ROR1: variants seen among roughly 807,000 people sequenced by gnomAD.
The protein encoded by ROR1 is inactive tyrosine-protein kinase transmembrane receptor ROR1.
Under a neutral mutation model 78.8 loss-of-function variants are expected in ROR1, and 19 were observed. That is an observed-to-expected ratio of 0.24 (90% CI 0.17 to 0.35). The LOEUF is 0.35. ROR1 is among the 10% of genes least tolerant of loss of function. ROR1 has a pLI of 1.00. For synonymous variants in ROR1, 386 were observed against 433.6 expected, an observed-to-expected ratio of 0.89 and a Z score of 1.36; for missense variants, 917 against 1,177.8, an observed-to-expected ratio of 0.78 and a Z score of 3.24.
intron 1 of ROR1, among the ~76,000 whole-genome samples, chr1:63,896,100 G>A (rs1025671523): frequency 5.3e-5 from 8 of 151,982 alleles, no homozygotes; most frequent in African/African-American, 1.9e-4. Flanking sequence ...TTCACAATGT[G>A]CTTCCTCCTT....
chr1:64,115,052 C>T (rs879932026), intron 4 of ROR1, among the ~76,000 whole-genome samples: 1 of 151,816 alleles, frequency 6.6e-6, no homozygotes, highest in Non-Finnish European at 1.5e-5. Context: ...GCAGCGTCTA[C>T]CTCTTGGACT....
chr1:63,958,769 C>T (rs770556362), intron 1 of ROR1, among the ~76,000 whole-genome samples: 25 of 152,172 alleles, frequency 1.6e-4, no homozygotes, highest in African/African-American at 6.0e-4. Flanking sequence ...TCCATCACAT[C>T]AACATTCCAG....
rs756104727 is a variant in ROR1 at position 64,177,926 on chromosome 1, G to A, written c.1885G>A (p.Val629Ile). Residue 629 changes from valine to isoleucine, a missense_variant, in exon 9 of 9, where the codon GTA (valine) becomes ATA (isoleucine). By Grantham distance (29) the Val-to-Ile change is conservative. Around this residue, in one of 3 missense-constraint regions of ROR1, gnomAD observed 835 missense variants for 1,069.8 expected, o/e 0.78. Transcript: ENST00000371079. ...RNILIGEQLHVKISDLGLSRE... is the reference protein window; with the variant it reads ...RNILIGEQLHIKISDLGLSRE... ...TATTTTAATCGGAGAGCAACTTCAT[G>A]TAAAGATTTCAGACTTGGGGCTTTC... 8 of 1,614,202 alleles carry A rather than the reference G, an allele frequency of 5.0e-6. No individual in the cohort carries two copies. The highest frequency in any genetic ancestry group is 6.8e-6 in the Non-Finnish European group (8 of 1,180,032).
chr1:63,950,852 T>TG (rs1645929610), intron 1 of ROR1, among the ~76,000 whole-genome samples: 1 of 152,098 alleles, frequency 6.6e-6, no homozygotes, highest in Admixed American at 6.5e-5. Context: ...GATACCACAG[T>TG]GAAGGGAGCA....
intron 4 of ROR1, among the ~76,000 whole-genome samples, chr1:64,086,414 C>G (rs1012168700): frequency 6.6e-6 from 1 of 152,188 alleles, no homozygotes; most frequent in Non-Finnish European, 1.5e-5. Flanking sequence ...GCACTAAGAG[C>G]CGGGTGCTGG....
intron 7 of ROR1, 188 bp downstream of exon 7, chr1:64,142,838 C>T: frequency 7.1e-7 from 1 of 1,417,352 alleles, no homozygotes; most frequent in African/African-American, 1.4e-5. Context: ...AAAACACGTT[C>T]TCAAGAAGTC....
intron 2 of ROR1, among the ~76,000 whole-genome samples, chr1:64,029,970 G>C (rs187159795): frequency 6.6e-6 from 1 of 152,178 alleles, no homozygotes; most frequent in East Asian, 1.9e-4. Context: ...CATTTCCCAT[G>C]AAGCCTTCTC....
chr1:63,808,736 C>T (rs1207253635), intron 1 of ROR1, among the ~76,000 whole-genome samples: 1 of 151,872 alleles, frequency 6.6e-6, no homozygotes, highest in East Asian at 1.9e-4. Flanking sequence ...TTTCCAGTCA[C>T]TGTAGATGAA....
At chr1:64,102,092 A>G (rs1242381281) in intron 4 of ROR1, among the ~76,000 whole-genome samples, 1 of 152,124 alleles carries the variant, frequency 6.6e-6, no homozygotes, top group Non-Finnish European at 1.5e-5. Flanking sequence ...AGAGGTGCAA[A>G]TAGGGCTGGG....
chr1:64,129,303 C>T (rs1356960478), intron 4 of ROR1, among the ~76,000 whole-genome samples: 2 of 152,158 alleles, frequency 1.3e-5, no homozygotes, highest in African/African-American at 2.4e-5. Context: ...CTTTTTCAAT[C>T]CATGCCCAAA....
intron 1 of ROR1, among the ~76,000 whole-genome samples, chr1:63,949,691 C>T (rs1048183238): frequency 6.6e-6 from 1 of 152,044 alleles, no homozygotes; most frequent in Non-Finnish European, 1.5e-5. Context: ...TTTACTCCTT[C>T]AGTCTCCTGC....
chr1:63,992,725 T>G (rs1275960184), intron 1 of ROR1, among the ~76,000 whole-genome samples: 1 of 152,166 alleles, frequency 6.6e-6, no homozygotes, highest in African/African-American at 2.4e-5. Context: ...ACCACCAAAA[T>G]GAAGATAATA....
chr1:63,977,071 G>A (rs1468460769), intron 1 of ROR1, among the ~76,000 whole-genome samples: 3 of 152,080 alleles, frequency 2.0e-5, no homozygotes, highest in African/African-American at 4.8e-5. Context: ...GAGTGAAGTG[G>A]GGGGAAAGCC....
At chr1:64,008,921 C>G (rs1259792965) in intron 1 of ROR1, among the ~76,000 whole-genome samples, 1 of 152,168 alleles carries the variant, frequency 6.6e-6, no homozygotes, top group Admixed American at 6.6e-5. Flanking sequence ...GTGTGAGCCA[C>G]TGTGCCCAGC....
At chr1:64,154,821 A>T (rs915408583) in intron 7 of ROR1, among the ~76,000 whole-genome samples, 5 of 152,228 alleles carry the variant, frequency 3.3e-5, no homozygotes, top group Non-Finnish European at 7.3e-5. Context: ...AGTATTAAAA[A>T]TCTTCAACAT....
At chr1:63,897,234 A>G (rs1020561999) in intron 1 of ROR1, among the ~76,000 whole-genome samples, 1 of 152,242 alleles carries the variant, frequency 6.6e-6, no homozygotes, top group Non-Finnish European at 1.5e-5. Context: ...ATTTTTAAAA[A>G]TGTAACCTTC....
At chr1:63,910,819 A>G (rs527996934) in intron 1 of ROR1, among the ~76,000 whole-genome samples, 2 of 152,350 alleles carry the variant, frequency 1.3e-5, no homozygotes, top group South Asian at 4.1e-4. Context: ...CCAAAGGTTC[A>G]GAACAACAAG....
At chr1:63,994,846 A>G (rs1045156817) in intron 1 of ROR1, among the ~76,000 whole-genome samples, 2 of 152,250 alleles carry the variant, frequency 1.3e-5, no homozygotes, top group Admixed American at 1.3e-4. Flanking sequence ...GGAGATACAC[A>G]GGATCAGACA....
At chr1:63,834,662 C>CA (rs1645009765) in intron 1 of ROR1, among the ~76,000 whole-genome samples, 10 of 152,264 alleles carry the variant, frequency 6.6e-5, no homozygotes, top group Admixed American at 3.3e-4. Flanking sequence ...TCCTCTGAGA[C>CA]AAAGTATTCA....
Sources: allele counts gnomAD v4.1 joint callset (sites outside exome capture counted in the v4.1 genomes callset), GRCh38; gene constraint gnomAD v4.1.1; regional missense constraint gnomAD v4.1.1; transcripts MANE v1.5; gene names NCBI Gene and HGNC (gene_info 2026-07-23, HGNC 2026-07-21).